Variants in SWAP70 observed in about 807,000 individuals in gnomAD.
SWAP70 encodes switching B cell complex subunit SWAP70.
In SWAP70, 34 loss-of-function variants were observed where a neutral mutation model predicts 80.2. That is an observed-to-expected ratio of 0.42 (90% confidence interval 0.32 to 0.56). The LOEUF (loss-of-function observed/expected upper bound fraction) is 0.56. Among genes scored for constraint, SWAP70 ranks in the 20% least tolerant of loss-of-function variants. The pLI is 0.09. For synonymous variants in SWAP70, 239 were observed against 238.5 expected (o/e 1.00, Z -0.02); for missense variants, 578 against 690.7 (o/e 0.84, Z 1.83).
intron 3 of SWAP70, among the ~76,000 whole-genome samples, chr11:9,719,317 G>C (rs983841958): frequency 6.6e-6 from 1 of 151,828 alleles, no homozygotes; most frequent in South Asian, 2.1e-4. Flanking sequence ...CAAGGCTGCT[G>C]TGAGCCAAGA....
At chr11:9,712,705 T>C (rs977104061) in intron 2 of SWAP70, among the ~76,000 whole-genome samples, 1 of 151,006 alleles carries the variant, frequency 6.6e-6, no homozygotes, top group African/African-American at 2.4e-5. Flanking sequence ...TTCAGTTAAA[T>C]AGTTTTCCCC....
At chr11:9,680,789 T>G (rs1235321877) in intron 1 of SWAP70, 2 of 152,220 alleles carry the variant, frequency 1.3e-5, no homozygotes, top group East Asian at 3.8e-4. Context: ...TTTTTTAAAA[T>G]GAGGCTTTAA....
At chr11:9,743,338 T>C (rs916221766) in intron 9 of SWAP70, among the ~76,000 whole-genome samples, 1 of 151,884 alleles carries the variant, frequency 6.6e-6, no homozygotes, top group African/African-American at 2.4e-5. Context: ...TTTGCTATTG[T>C]GAATAATGCC....
At chr11:9,736,153 C>T (rs374163686) in intron 7 of SWAP70, among the ~76,000 whole-genome samples, 13 of 152,038 alleles carry the variant, frequency 8.6e-5, no homozygotes, top group East Asian at 3.9e-4. Flanking sequence ...GTGAATTTTT[C>T]GTTTCAGTTA....
intron 9 of SWAP70, among the ~76,000 whole-genome samples, chr11:9,746,672 C>T (rs1179804436): frequency 6.6e-6 from 1 of 152,138 alleles, no homozygotes; most frequent in East Asian, 1.9e-4. Context: ...CTTCCAGTTG[C>T]GAAAGGGCTA....
At chr11:9,749,281 C>A in intron 11 of SWAP70, 98 bp downstream of exon 11, 1 of 592,396 alleles carries the variant, frequency 1.7e-6, no homozygotes, top group Non-Finnish European at 2.2e-6. Flanking sequence ...CTCGCTCTGT[C>A]GCCCAGGCTG....
intron 1 of SWAP70, among the ~76,000 whole-genome samples, chr11:9,681,911 A>G (rs1850572558): frequency 6.6e-6 from 1 of 152,204 alleles, no homozygotes; most frequent in South Asian, 2.1e-4. Context: ...GGAACATGAA[A>G]AGTGTTGAGA....
intron 3 of SWAP70, among the ~76,000 whole-genome samples, chr11:9,714,367 A>G (rs576466988): frequency 1.3e-5 from 2 of 152,322 alleles, no homozygotes; most frequent in South Asian, 4.1e-4. Context: ...AGCCAATTAC[A>G]ATGTTTAGTC....
At chr11:9,693,841 T>C (rs1850723212) in intron 1 of SWAP70, among the ~76,000 whole-genome samples, 1 of 151,572 alleles carries the variant, frequency 6.6e-6, no homozygotes, top group Non-Finnish European at 1.5e-5. Context: ...ACCCCACTTT[T>C]CTTTCTGATG....
At chr11:9,712,157 A>G (rs1041389282) in intron 2 of SWAP70, among the ~76,000 whole-genome samples, 6 of 152,148 alleles carry the variant, frequency 3.9e-5, no homozygotes, top group Non-Finnish European at 7.3e-5. Flanking sequence ...TATCTCTATT[A>G]CAGTACTTGT....
At chr11:9,715,493 A>G (rs898845339) in intron 3 of SWAP70, among the ~76,000 whole-genome samples, 4 of 152,284 alleles carry the variant, frequency 2.6e-5, no homozygotes, top group Non-Finnish European at 5.9e-5. Context: ...TGCTGCCTGT[A>G]TTAGTCCATT....
At position 9,671,921 on chromosome 11, in the gene SWAP70, TATA is replaced by T. The variant is rs1244384033; in HGVS notation, c.99+7646_99+7648del. Among the ~76,000 whole-genome samples, 6 of 110,004 alleles carry T rather than the reference TATA, an allele frequency of 5.5e-5. No individual in the cohort carries two copies. In the East Asian group the frequency reaches 1.7e-3, roughly 30 times the overall value. 72.2% of individuals were successfully genotyped at this position (110,004 alleles called of 152,430 possible). On this transcript the variant is annotated intron_variant, in intron 1 of 11. Coordinates refer to ENST00000318950, the MANE Select transcript of SWAP70 (RefSeq NM_015055.4). ...TAATTATTAAATATAATAATTATAA[TATA>T]ATTATATTTTATAATATATTTTATA...
chr11:9,688,448 G>A (rs2134441847), intron 1 of SWAP70, among the ~76,000 whole-genome samples: 1 of 152,242 alleles, frequency 6.6e-6, no homozygotes, highest in African/African-American at 2.4e-5. Flanking sequence ...TTGAGCAAGG[G>A]CCCAGGGGAG....
chr11:9,708,712 C>G (rs1443991996), intron 2 of SWAP70, among the ~76,000 whole-genome samples: 1 of 152,190 alleles, frequency 6.6e-6, no homozygotes, highest in African/African-American at 2.4e-5. Flanking sequence ...GCAAGGCTAT[C>G]TGCTTTTGTG....
intron 9 of SWAP70, chr11:9,740,559 G>GCTGTCT: frequency 1.7e-6 from 1 of 582,826 alleles, no homozygotes. Flanking sequence ...CCTTGCTTCT[G>GCTGTCT]GGGCTAAATA....
intron 7 of SWAP70, among the ~76,000 whole-genome samples, chr11:9,734,544 T>C (rs2133812134): frequency 6.6e-6 from 1 of 152,342 alleles, no homozygotes; most frequent in African/African-American, 2.4e-5. Context: ...TTCTTATAGA[T>C]CGCTTAGTAA....
intron 2 of SWAP70, among the ~76,000 whole-genome samples, chr11:9,707,426 G>C (rs940686446): frequency 2.0e-5 from 3 of 147,576 alleles, no homozygotes; most frequent in Non-Finnish European, 4.5e-5. Flanking sequence ...TGTCTTTTTT[G>C]ATTAGCTTAT....
At chr11:9,693,196 T>C (rs529022157) in intron 1 of SWAP70, among the ~76,000 whole-genome samples, 1 of 152,326 alleles carries the variant, frequency 6.6e-6, no homozygotes, top group South Asian at 2.1e-4. Flanking sequence ...CTAGGAAGAT[T>C]CTCTGTTGAA....
chr11:9,673,867 T>A (rs1439618186), intron 1 of SWAP70, among the ~76,000 whole-genome samples: 1 of 151,544 alleles, frequency 6.6e-6, no homozygotes, highest in African/African-American at 2.4e-5. Flanking sequence ...AGAGAGAGAT[T>A]TGTTTTCTTT....
Sources: allele counts gnomAD v4.1 joint callset (sites outside exome capture counted in the v4.1 genomes callset), GRCh38; gene constraint gnomAD v4.1.1; transcripts MANE v1.5; gene names NCBI Gene and HGNC (gene_info 2026-07-23, HGNC 2026-07-21).